Variants in PPP2CA observed in about 807,000 individuals in gnomAD.
PPP2CA encodes the protein serine/threonine-protein phosphatase 2A catalytic subunit alpha isoform.
A neutral mutation model predicts 38.8 loss-of-function variants in PPP2CA; 5 were observed. The observed-to-expected ratio is 0.13, with a 90% CI of 0.07 to 0.27. The LOEUF is 0.27. PPP2CA is among the 10% of genes least tolerant of loss of function. PPP2CA has a pLI of 1.00. For synonymous variants in PPP2CA, 152 were observed against 134.0 expected (o/e 1.13, Z -0.93); for missense variants, 88 against 389.7 (o/e 0.23, Z 6.52).
chr5:134,209,597 T>C (rs1162365706), intron 1 of PPP2CA, among the ~76,000 whole-genome samples: 1 of 151,090 alleles, frequency 6.6e-6, no homozygotes, highest in Non-Finnish European at 1.5e-5. Context: ...CTGGCCAACA[T>C]GGTAAAACCC....
chr5:134,224,173 C>A, intron 1 of PPP2CA: 2 of 402,328 alleles, frequency 5.0e-6, no homozygotes, highest in South Asian at 1.8e-5. Context: ...GTAAGATCAT[C>A]ATGTACAGTA....
chr5:134,214,385 G>A (rs1762274935), intron 1 of PPP2CA, among the ~76,000 whole-genome samples: 1 of 152,128 alleles, frequency 6.6e-6, no homozygotes, highest in South Asian at 2.1e-4. Context: ...ACCTATACGT[G>A]TACAGTATTA....
At chr5:134,199,436 C>CT (rs958180230) in intron 5 of PPP2CA, 17 of 244,006 alleles carry the variant, frequency 7.0e-5, no homozygotes, top group Middle Eastern at 9.4e-4. Context: ...TTTTTTAGTA[C>CT]TTTAAAAAAA....
intron 1 of PPP2CA, among the ~76,000 whole-genome samples, chr5:134,217,430 A>G (rs993242956): frequency 1.3e-5 from 2 of 152,238 alleles, no homozygotes; most frequent in African/African-American, 2.4e-5. Flanking sequence ...AAAAAATGCA[A>G]TTAATTTTTG....
intron 1 of PPP2CA, among the ~76,000 whole-genome samples, chr5:134,213,850 C>G (rs1403130079): frequency 1.3e-4 from 20 of 152,098 alleles, no homozygotes; most frequent in Admixed American, 1.3e-3. Context: ...GCTGAAAAGC[C>G]CAGGCACAGT....
intron 1 of PPP2CA, among the ~76,000 whole-genome samples, chr5:134,225,268 G>C (rs1447122590): frequency 6.6e-6 from 1 of 152,178 alleles, no homozygotes; most frequent in African/African-American, 2.4e-5. Flanking sequence ...GGGTACTAAA[G>C]CTGTGTGACC....
chr5:134,200,464 T>G lies in PPP2CA; in HGVS notation c.609A>C (p.Pro203=). Residue 203 remains proline (P), a synonymous_variant, in exon 5 of 7, where the codon CCA becomes CCC. Coordinates refer to ENST00000481195, the MANE Select transcript of PPP2CA (RefSeq NM_002715.4). ...ATATACCCCAACCACCACGGTCATC[T>G]GGATCTGACCACAGCAAGTCACACA... ...GPMCDLLWSD[P]DDRGGWGISP... 6.2e-7 allele frequency: 1 copy of G among 1,614,098 alleles called. No homozygotes were observed. The highest frequency in any genetic ancestry group is 8.5e-7 in the Non-Finnish European group (1 of 1,179,980).
chr5:134,212,326 T>C (rs563340347), intron 1 of PPP2CA, among the ~76,000 whole-genome samples: 3 of 152,362 alleles, frequency 2.0e-5, no homozygotes, highest in Non-Finnish European at 4.4e-5. Flanking sequence ...TCTAAAATTA[T>C]TTCAAACTTT....
chr5:134,203,334 T>G (rs1369327286), intron 2 of PPP2CA, among the ~76,000 whole-genome samples: 3 of 152,216 alleles, frequency 2.0e-5, no homozygotes, highest in Non-Finnish European at 4.4e-5. Flanking sequence ...CAGCACCATT[T>G]ACTGAAAGAA....
At chr5:134,209,418 C>A (rs1762153744) in intron 1 of PPP2CA, among the ~76,000 whole-genome samples, 1 of 152,146 alleles carries the variant, frequency 6.6e-6, no homozygotes. Flanking sequence ...CAGATAGTTA[C>A]AACAATAAAA....
At position 134,196,718 on chromosome 5, in the gene PPP2CA, A is replaced by G. The variant is rs547644416; in HGVS notation, c.*1054T>C. ...AGAAACTGCACTAAGTAAACACATC[A>G]TTTAGTTTAAGCTCTACCTGAAAAC... On this transcript the variant is annotated 3_prime_UTR_variant, in exon 7 of 7. Transcript: ENST00000481195. The G allele has an allele frequency of 6.6e-6, 1 of 152,368 alleles. No homozygotes were observed. Among genetic ancestry groups the G allele is most frequent in the South Asian group, 2.1e-4 (1 of 4,834 alleles). The allele number at this position is 152,368 out of a possible 1,614,324, so 9.4% of individuals were successfully genotyped here.
chr5:134,209,034 T>A (rs968557038), intron 1 of PPP2CA, among the ~76,000 whole-genome samples: 2 of 152,210 alleles, frequency 1.3e-5, no homozygotes, highest in African/African-American at 4.8e-5. Context: ...GAGAAGATAC[T>A]ATGAAGTGAA....
intron 3 of PPP2CA, among the ~76,000 whole-genome samples, chr5:134,201,581 A>G (rs1761966788): frequency 6.6e-6 from 1 of 152,238 alleles, no homozygotes; most frequent in Non-Finnish European, 1.5e-5. Context: ...GACTTGTCCA[A>G]AAACAGTCTG....
In PPP2CA at chr5:134,197,431, A is replaced by C. The variant is rs936036230; in HGVS notation, c.*341T>G. 4.3e-6 allele frequency: 1 copy of C among 234,530 alleles called. No individual in the cohort carries two copies. Among genetic ancestry groups the C allele is most frequent in the African/African-American group, 2.2e-5 (1 of 45,538 alleles). 14.5% of individuals were successfully genotyped at this position (234,530 alleles called of 1,614,324 possible). On this transcript the variant is annotated 3_prime_UTR_variant, in exon 7 of 7. Coordinates refer to ENST00000481195, the MANE Select transcript of PPP2CA (RefSeq NM_002715.4). ...GTCATGCTGAGTAAAGCTATAGCTA[A>C]ATGGAAGTTAAATTGTATTCACGAG...
At chr5:134,221,445 C>G (rs1055209428) in intron 1 of PPP2CA, among the ~76,000 whole-genome samples, 1 of 152,000 alleles carries the variant, frequency 6.6e-6, no homozygotes, top group Non-Finnish European at 1.5e-5. Flanking sequence ...TTGCAATAAA[C>G]AATATAAAAA....
intron 1 of PPP2CA, among the ~76,000 whole-genome samples, chr5:134,212,691 C>T (rs963637396): frequency 3.9e-5 from 6 of 152,170 alleles, no homozygotes; most frequent in Non-Finnish European, 7.3e-5. Context: ...CTTCTTGCAC[C>T]AAACTGCTAA....
chr5:134,225,424 A>T lies in PPP2CA; in HGVS notation c.102+336T>A, dbSNP rs1327177837. ...CCCAGGCTCCATTCCCAAGCCGCAG[A>T]ATCCAAGCCAGCTCACCCTCAAAAC... On this transcript the variant is annotated intron_variant, in intron 1 of 6. Coordinates refer to ENST00000481195, the MANE Select transcript of PPP2CA (RefSeq NM_002715.4). 5 of 231,380 alleles carry T rather than the reference A, an allele frequency of 2.2e-5. No individual in the cohort carries two copies. In the East Asian group the frequency reaches 5.9e-4, roughly 28 times the overall value. 14.3% of individuals were successfully genotyped at this position (231,380 alleles called of 1,614,324 possible).
chr5:134,215,014 A>G (rs1459278225), intron 1 of PPP2CA, among the ~76,000 whole-genome samples: 1 of 144,472 alleles, frequency 6.9e-6, no homozygotes, highest in Non-Finnish European at 1.5e-5. Context: ...AATGACCTTG[A>G]AGTATTTTGG....
intron 1 of PPP2CA, among the ~76,000 whole-genome samples, chr5:134,208,734 G>C (rs1177372716): frequency 6.6e-6 from 1 of 152,168 alleles, no homozygotes; most frequent in East Asian, 1.9e-4. Flanking sequence ...AAATTGGGGA[G>C]TGTCTGTATA....
Sources: allele counts gnomAD v4.1 joint callset (sites outside exome capture counted in the v4.1 genomes callset), GRCh38; gene constraint gnomAD v4.1.1; transcripts MANE v1.5; gene names NCBI Gene and HGNC (gene_info 2026-07-23, HGNC 2026-07-21).